The following INPP4B variants were observed in gnomAD, a reference collection of about 807,000 sequenced individuals.
INPP4B encodes inositol polyphosphate-4-phosphatase type II B, also known as inositol polyphosphate 4-phosphatase type II.
INPP4B carries 55 observed loss-of-function variants against 122.5 expected under a neutral mutation model. That is an observed-to-expected ratio of 0.45 (90% CI 0.36 to 0.56). The LOEUF (loss-of-function observed/expected upper bound fraction) is 0.56. Ranked by LOEUF, INPP4B falls within the 20% of genes least tolerant of loss-of-function variation. INPP4B has a pLI of 0.00. For synonymous variants in INPP4B, 403 were observed against 388.7 expected (o/e 1.04, Z -0.43); for missense variants, 1,000 against 1,097.7 (o/e 0.91, Z 1.26).
intron 11 of INPP4B, among the ~76,000 whole-genome samples, chr4:142,250,320 G>T (rs373563181): frequency 6.6e-6 from 1 of 152,118 alleles, no homozygotes; most frequent in East Asian, 1.9e-4. Context: ...TACCAAAATC[G>T]CTAGAGATGT....
At chr4:142,806,785 AG>A (rs763374537) in intron 1 of INPP4B, among the ~76,000 whole-genome samples, 3 of 81,060 alleles carry the variant, frequency 3.7e-5, no homozygotes, top group Non-Finnish European at 5.8e-5. Context: ...GAAAGAAAGA[AG>A]GAAAGAAAGA....
intron 2 of INPP4B, among the ~76,000 whole-genome samples, chr4:142,669,525 C>G (rs1400216462): frequency 6.6e-6 from 1 of 152,086 alleles, no homozygotes; most frequent in Non-Finnish European, 1.5e-5. Flanking sequence ...TTACAGCCAA[C>G]TAATTTTGGA....
chr4:142,050,513 C>T (rs557329642), intron 25 of INPP4B, among the ~76,000 whole-genome samples: 1 of 152,060 alleles, frequency 6.6e-6, no homozygotes, highest in South Asian at 2.1e-4. Flanking sequence ...CTGTACACAG[C>T]ACATAGTGAT....
rs1030863567 is a variant in INPP4B, at chr4:142,226,700, C to A, written c.836+11164G>T. Among the ~76,000 whole-genome samples, 8 of 152,048 alleles carry A rather than the reference C, an allele frequency of 5.3e-5. No individual in the cohort carries two copies. In the East Asian group the frequency reaches 1.5e-3, roughly 29 times the overall value. Reference sequence around the variant, plus strand: ...CAGAAAAACCATTAGTAGATGGTTGCATTATTATAGGAAAGAAACGATGTA... The same window carrying A: ...CAGAAAAACCATTAGTAGATGGTTGAATTATTATAGGAAAGAAACGATGTA... On this transcript the variant is annotated intron_variant, in intron 12 of 25. Coordinates refer to ENST00000262992, the MANE Select transcript of INPP4B (RefSeq NM_001101669.3).
intron 25 of INPP4B, among the ~76,000 whole-genome samples, chr4:142,047,331 C>T (rs1301191459): frequency 6.6e-6 from 1 of 152,040 alleles, no homozygotes; most frequent in Non-Finnish European, 1.5e-5. Flanking sequence ...TCAGAAATGA[C>T]ATTTTATATC....
rs188151655 is a variant in INPP4B at position 142,770,714 on chromosome 4, G to A, written c.-253-44813C>T. 6.0e-3 allele frequency among the ~76,000 whole-genome samples: 916 copies of A among 152,106 alleles called. 8 individuals are homozygous for A. The highest frequency in any genetic ancestry group is 0.02 in the African/African-American group (846 of 41,516). On this transcript the variant is annotated intron_variant, in intron 1 of 25. Transcript: ENST00000262992. ...AATGAAAGAGGAAAGAGTGATTACA[G>A]AATTAAAGAGAAAACACATGCCTCC...
intron 2 of INPP4B, among the ~76,000 whole-genome samples, chr4:142,642,449 G>A (rs1374213133): frequency 6.6e-6 from 1 of 152,096 alleles, no homozygotes; most frequent in Non-Finnish European, 1.5e-5. Flanking sequence ...TTTGTATAAG[G>A]TATAAGGAAG....
intron 2 of INPP4B, among the ~76,000 whole-genome samples, chr4:142,584,670 C>G (rs1341087108): frequency 1.3e-5 from 2 of 152,018 alleles, no homozygotes; most frequent in Non-Finnish European, 2.9e-5. Context: ...ATTGATTTGA[C>G]CTTAATCACC....
At chr4:142,770,671 C>A (rs1358776480) in intron 1 of INPP4B, among the ~76,000 whole-genome samples, 1 of 151,990 alleles carries the variant, frequency 6.6e-6, no homozygotes, top group East Asian at 1.9e-4. Context: ...ACCAAACAAG[C>A]AATTCCATTA....
intron 21 of INPP4B, among the ~76,000 whole-genome samples, chr4:142,117,355 C>CA (rs1053129917): frequency 6.1e-4 from 93 of 151,548 alleles, no homozygotes; most frequent in African/African-American, 2.0e-3. Context: ...AGAGACACAA[C>CA]AAAAAAAAGA....
chr4:142,651,254 C>T (rs1752905565), intron 2 of INPP4B, among the ~76,000 whole-genome samples: 1 of 152,110 alleles, frequency 6.6e-6, no homozygotes, highest in African/African-American at 2.4e-5. Context: ...ACTAAAATGC[C>T]TGCAAGAGAA....
chr4:142,756,350 A>G (rs901004811), intron 1 of INPP4B, among the ~76,000 whole-genome samples: 1 of 152,068 alleles, frequency 6.6e-6, no homozygotes, highest in Non-Finnish European at 1.5e-5. Context: ...AAACTGCCTT[A>G]CCTCTGGGAT....
chr4:142,335,457 C>T (rs1162444961), intron 7 of INPP4B, among the ~76,000 whole-genome samples: 1 of 152,152 alleles, frequency 6.6e-6, no homozygotes, highest in Non-Finnish European at 1.5e-5. Context: ...ATTTATTTTA[C>T]TCCTCATAAC....
At chr4:142,348,158 G>A (rs567283483) in intron 7 of INPP4B, among the ~76,000 whole-genome samples, 1 of 152,084 alleles carries the variant, frequency 6.6e-6, no homozygotes, top group East Asian at 1.9e-4. Context: ...CAGGGGTGAA[G>A]TGGACAACGG....
intron 2 of INPP4B, among the ~76,000 whole-genome samples, chr4:142,528,361 C>A (rs1013303762): frequency 2.6e-5 from 4 of 152,142 alleles, no homozygotes; most frequent in East Asian, 1.9e-4. Context: ...TAGAGAGGAA[C>A]ACACTTCCAA....
chr4:142,331,083 C>T (rs1425836773), intron 7 of INPP4B, among the ~76,000 whole-genome samples: 1 of 152,096 alleles, frequency 6.6e-6, no homozygotes, highest in African/African-American at 2.4e-5. Flanking sequence ...CCAAATAAAA[C>T]CACAGGCAAG....
At chr4:142,631,963 C>A (rs1413178585) in intron 2 of INPP4B, among the ~76,000 whole-genome samples, 1 of 151,834 alleles carries the variant, frequency 6.6e-6, no homozygotes, top group African/African-American at 2.4e-5. Context: ...CACACTGTTA[C>A]TTCCCAGACC....
At chr4:142,790,753 TG>T (rs1194296630) in intron 1 of INPP4B, among the ~76,000 whole-genome samples, 1 of 152,048 alleles carries the variant, frequency 6.6e-6, no homozygotes, top group Non-Finnish European at 1.5e-5. Context: ...TTCTATATGA[TG>T]CAGAAAAGAA....
At chr4:142,524,768 C>A (rs1299481537) in intron 2 of INPP4B, among the ~76,000 whole-genome samples, 4,044 of 86,644 alleles carry the variant, frequency 0.047, no homozygotes, top group South Asian at 0.054. Flanking sequence ...ATGACAAACC[C>A]ACAGCCAATA....
Sources: allele counts gnomAD v4.1 joint callset (sites outside exome capture counted in the v4.1 genomes callset), GRCh38; gene constraint gnomAD v4.1.1; transcripts MANE v1.5; gene names NCBI Gene and HGNC (gene_info 2026-07-23, HGNC 2026-07-21).